Variants in TBC1D5 observed in about 807,000 individuals in gnomAD.
TBC1D5 encodes the protein TBC1 domain family member 5, also known as TBC1 domain family, member 5.
A neutral mutation model predicts 100.3 loss-of-function variants in TBC1D5; 75 were observed. That is an observed-to-expected ratio of 0.75 (90% CI 0.62 to 0.91). The LOEUF is 0.91. Among genes scored for constraint, TBC1D5 ranks in the 40% least tolerant of loss-of-function variants. The pLI, the probability that TBC1D5 is intolerant of heterozygous loss-of-function variation, is 0.00. For missense variants in TBC1D5, 910 were observed against 942.4 expected, an observed-to-expected ratio of 0.97 and a Z score of 0.45; for synonymous variants, 323 against 325.6, an observed-to-expected ratio of 0.99 and a Z score of 0.09.
intron 13 of TBC1D5, among the ~76,000 whole-genome samples, chr3:17,364,042 G>A (rs1456769510): frequency 6.8e-6 from 1 of 147,960 alleles, no homozygotes; most frequent in South Asian, 2.1e-4. Context: ...CCCCCTCCCC[G>A]GACTGAAATT....
chr3:17,642,622 G>C (rs188109729), intron 1 of TBC1D5, among the ~76,000 whole-genome samples: 2 of 151,996 alleles, frequency 1.3e-5, no homozygotes, highest in Non-Finnish European at 2.9e-5. Context: ...ACACAACTCA[G>C]GTATCTCTAC....
intron 2 of TBC1D5, among the ~76,000 whole-genome samples, chr3:17,609,564 CT>C (rs1280973769): frequency 6.6e-6 from 1 of 152,222 alleles, no homozygotes; most frequent in Non-Finnish European, 1.5e-5. Flanking sequence ...TCTCCAAGCT[CT>C]ATCTTTGGCT....
intron 4 of TBC1D5, among the ~76,000 whole-genome samples, chr3:17,410,839 T>C (rs1281390963): frequency 6.6e-6 from 1 of 152,162 alleles, no homozygotes; most frequent in Non-Finnish European, 1.5e-5. Flanking sequence ...TTTCTTGAGA[T>C]GGAATCTACT....
intron 2 of TBC1D5, among the ~76,000 whole-genome samples, chr3:17,526,944 AT>A (rs966459818): frequency 6.6e-6 from 1 of 152,174 alleles, no homozygotes; most frequent in Non-Finnish European, 1.5e-5. Context: ...GTAAGCAGAA[AT>A]TGAGGAAATC....
At chr3:17,722,060 AC>A (rs1164771212) in intron 1 of TBC1D5, among the ~76,000 whole-genome samples, 13 of 152,180 alleles carry the variant, frequency 8.5e-5, no homozygotes, top group Non-Finnish European at 1.6e-4. Flanking sequence ...TACACAACCA[AC>A]GTTATGGGAA....
intron 19 of TBC1D5, among the ~76,000 whole-genome samples, chr3:17,184,142 G>A (rs1237028443): frequency 6.6e-6 from 1 of 152,194 alleles, no homozygotes; most frequent in African/African-American, 2.4e-5. Context: ...TCATACATGA[G>A]TCAGCATAAA....
chr3:17,718,249 T>A (rs529204808), intron 1 of TBC1D5, among the ~76,000 whole-genome samples: 1 of 152,212 alleles, frequency 6.6e-6, no homozygotes, highest in African/African-American at 2.4e-5. Context: ...ATTATTGTTA[T>A]GAATGGACCT....
intron 1 of TBC1D5, among the ~76,000 whole-genome samples, chr3:17,732,548 A>G (rs2076650888): frequency 6.6e-6 from 1 of 151,514 alleles, no homozygotes; most frequent in Non-Finnish European, 1.5e-5. Flanking sequence ...GATGGCCACC[A>G]GAAGAGATGG....
intron 2 of TBC1D5, among the ~76,000 whole-genome samples, chr3:17,598,643 C>T (rs2060730914): frequency 6.6e-6 from 1 of 152,128 alleles, no homozygotes; most frequent in Non-Finnish European, 1.5e-5. Context: ...GTTTGTGCTG[C>T]AAGAAAACCA....
At chr3:17,267,592 T>C (rs1490452078) in intron 15 of TBC1D5, among the ~76,000 whole-genome samples, 20 of 152,146 alleles carry the variant, frequency 1.3e-4, no homozygotes. Context: ...TTTAGAAATG[T>C]TAGAACAGTT....
chr3:17,213,643 G>A (rs929010615), intron 18 of TBC1D5, among the ~76,000 whole-genome samples: 1 of 143,116 alleles, frequency 7.0e-6, no homozygotes, highest in Admixed American at 7.4e-5. Context: ...GCACACACCT[G>A]TAATCCCAGC....
chr3:17,166,983 A>T, intron 20 of TBC1D5, 55 bp from the exon 22 acceptor site: 2 of 1,501,442 alleles, frequency 1.3e-6, no homozygotes, highest in Non-Finnish European at 1.8e-6. Flanking sequence ...TTGTTTTCAG[A>T]TGCTAGCTAA....
chr3:17,486,071 T>A (rs574578180), intron 3 of TBC1D5, among the ~76,000 whole-genome samples: 6 of 152,144 alleles, frequency 3.9e-5, no homozygotes, highest in African/African-American at 1.2e-4. Context: ...GTGGTTTTGA[T>A]TTGCATTTCT....
rs140256323 is a variant in TBC1D5, at chr3:17,436,680, A to G, written c.98-8161T>C. 1.1e-3 allele frequency among the ~76,000 whole-genome samples: 165 copies of G among 152,324 alleles called. 1 individual carries two copies. Among genetic ancestry groups the G allele is most frequent in the Admixed American group, 9.1e-3 (139 of 15,312 alleles). Reference sequence around the variant, plus strand: ...TTAAATAAAATTACAGCCTTGAAATATAAAGCCATATAATTTCATGAACTT... The same window carrying G: ...TTAAATAAAATTACAGCCTTGAAATGTAAAGCCATATAATTTCATGAACTT... On this transcript the variant is annotated intron_variant, in intron 3 of 21. Coordinates refer to ENST00000253692, the Ensembl canonical transcript of TBC1D5.
At chr3:17,523,451 C>T (rs1028176091) in intron 2 of TBC1D5, among the ~76,000 whole-genome samples, 6 of 152,136 alleles carry the variant, frequency 3.9e-5, no homozygotes, top group African/African-American at 1.2e-4. Flanking sequence ...GGGGTAAATA[C>T]AGGGGTCTCA....
At chr3:17,559,594 A>ATT (rs35500376) in intron 2 of TBC1D5, among the ~76,000 whole-genome samples, 183 of 147,514 alleles carry the variant, frequency 1.2e-3, no homozygotes, top group Middle Eastern at 6.9e-3. Flanking sequence ...CAAATCTAGA[A>ATT]TTTTTTTTTT....
At chr3:17,677,299 T>C (rs1282292739) in intron 1 of TBC1D5, among the ~76,000 whole-genome samples, 1 of 152,012 alleles carries the variant, frequency 6.6e-6, no homozygotes, top group Non-Finnish European at 1.5e-5. Context: ...CTCAAACAAA[T>C]TTACAAGAAA....
intron 3 of TBC1D5, among the ~76,000 whole-genome samples, chr3:17,437,606 G>A (rs558677473): frequency 8.2e-6 from 1 of 122,330 alleles, no homozygotes; most frequent in Admixed American, 8.3e-5. Context: ...AGAGGGGAGA[G>A]AGACAGAGAC....
intron 1 of TBC1D5, among the ~76,000 whole-genome samples, chr3:17,709,723 T>TA (rs1320284305): frequency 6.6e-6 from 1 of 152,068 alleles, no homozygotes; most frequent in Non-Finnish European, 1.5e-5. Context: ...TATTGTAGCT[T>TA]AAAAAAAATT....
Sources: allele counts gnomAD v4.1 joint callset (sites outside exome capture counted in the v4.1 genomes callset), GRCh38; gene constraint gnomAD v4.1.1; transcripts MANE v1.5; gene names NCBI Gene and HGNC (gene_info 2026-07-23, HGNC 2026-07-21).